The following GSN variants were observed in gnomAD, a reference collection of about 807,000 sequenced individuals.
GSN encodes the protein actin-depolymerizing factor.
A neutral mutation model predicts 85.7 loss-of-function variants in GSN; 56 were observed. That is an observed-to-expected ratio of 0.65 (90% confidence interval 0.53 to 0.82). The LOEUF is 0.82. Ranked by LOEUF, GSN falls within the 40% of genes least tolerant of loss-of-function variation. The probability of loss-of-function intolerance (pLI) is 0.00; values close to 1 mark genes in which losing one functional copy is unlikely to be tolerated. For synonymous variants in GSN, 373 were observed against 399.1 expected (o/e 0.93, Z 0.78); for missense variants, 857 against 979.8 (o/e 0.87, Z 1.67).
At chr9:121,250,910 T>TGTGC (rs1554778765) in intron 6 of GSN, among the ~76,000 whole-genome samples, 5 of 143,838 alleles carry the variant, frequency 3.5e-5, no homozygotes, top group South Asian at 2.3e-4. Flanking sequence ...TGTGTGTGTG[T>TGTGC]GCTTTGAGAC....
At chr9:121,206,729 A>T (rs1407850288), upstream of GSN, among the ~76,000 whole-genome samples, 1 of 152,118 alleles carries the variant, frequency 6.6e-6, no homozygotes, top group Non-Finnish European at 1.5e-5. Flanking sequence ...TGAAAAAAAA[A>T]AAAGAATGCA....
rs1467397328 is a variant in GSN, at chr9:121,281,552, A to T, written c.-20A>T. 1 of 456,488 alleles carries T rather than the reference A, an allele frequency of 2.2e-6. No homozygotes were observed. The highest frequency in any genetic ancestry group is 4.6e-6 in the Non-Finnish European group (1 of 219,504). 28.3% of individuals were successfully genotyped at this position (456,488 alleles called of 1,614,324 possible). A position where few individuals can be genotyped will look rare whatever the true frequency, so the allele number is the denominator to read the frequency against. The stretch of plus-strand genomic sequence containing the variant: ...CGGAGCAGCACTCTTCACCCTGCAC[A>T]GCCTTGTTAGGTAGGTAGAGCAATA... On this transcript the variant is annotated 5_prime_UTR_variant, in exon 2 of 18. Transcript: ENST00000432226.
intron 1 of GSN, among the ~76,000 whole-genome samples, chr9:121,271,933 G>A (rs1021843679): frequency 2.0e-5 from 3 of 152,206 alleles, no homozygotes; most frequent in African/African-American, 4.8e-5. Flanking sequence ...TCTATCTGGC[G>A]AAGCCAGGAA....
chr9:121,273,847 AT>A (rs1331036584), intron 1 of GSN, among the ~76,000 whole-genome samples: 4 of 152,306 alleles, frequency 2.6e-5, no homozygotes, highest in African/African-American at 9.6e-5. Context: ...AATGCTTTTT[AT>A]TTATTAACAA....
chr9:121,285,980 G>A (rs1411909283), intron 2 of GSN: 3 of 734,562 alleles, frequency 4.1e-6, no homozygotes, highest in Non-Finnish European at 7.0e-6. Flanking sequence ...GGTTTTAATT[G>A]TGTTGAGGAG....
chr9:121,282,606 C>A, intron 2 of GSN: 2 of 927,892 alleles, frequency 2.2e-6, no homozygotes, highest in Non-Finnish European at 2.9e-6. Context: ...CCAGGGATTC[C>A]CAAAAGGTCT....
At chr9:121,289,778 C>T (rs1331686780) in intron 2 of GSN, among the ~76,000 whole-genome samples, 2 of 152,094 alleles carry the variant, frequency 1.3e-5, no homozygotes, top group Non-Finnish European at 2.9e-5. Context: ...GAGGTGATGG[C>T]ACAGGGGATG....
chr9:121,289,295 G>A (rs2058454501), intron 2 of GSN, among the ~76,000 whole-genome samples: 1 of 152,142 alleles, frequency 6.6e-6, no homozygotes, highest in South Asian at 2.1e-4. Context: ...AAGGGTCAAA[G>A]CTTGGGGCCA....
intron 6 of GSN, among the ~76,000 whole-genome samples, chr9:121,249,117 A>G (rs1173808779): frequency 6.6e-6 from 1 of 152,014 alleles, no homozygotes; most frequent in Admixed American, 6.6e-5. Flanking sequence ...TTGAGGAGAT[A>G]GACTTGATAG....
upstream of GSN, among the ~76,000 whole-genome samples, chr9:121,263,908 A>AAT (rs143816456): frequency 6.6e-6 from 1 of 150,782 alleles, no homozygotes; most frequent in Non-Finnish European, 1.5e-5. Flanking sequence ...AAAAAAAAAA[A>AAT]ATCAGGTCTC....
chr9:121,201,962 C>T, the GSN span: 1 of 153,104 alleles, frequency 6.5e-6, no homozygotes, highest in African/African-American at 2.4e-5. Flanking sequence ...CTGGCGGAGC[C>T]CGGAAGAGGG....
intron 2 of GSN, chr9:121,286,768 AT>A: frequency 1.3e-6 from 2 of 1,534,364 alleles, no homozygotes; most frequent in Non-Finnish European, 1.7e-6. Context: ...TACAGTAGGT[AT>A]TTTTTAAAGG....
At chr9:121,304,791 A>T (rs1333662827) in intron 4 of GSN, among the ~76,000 whole-genome samples, 1 of 152,208 alleles carries the variant, frequency 6.6e-6, no homozygotes, top group African/African-American at 2.4e-5. Context: ...AACTATATTC[A>T]AACCAGGATT....
intron 4 of GSN, among the ~76,000 whole-genome samples, chr9:121,228,426 T>TATATATATATACA (rs2054318806): frequency 5.1e-5 from 1 of 19,648 alleles, no homozygotes; most frequent in Non-Finnish European, 8.5e-5. Flanking sequence ...ATATATATAT[T>TATATATATATACA]TTTTTTTTTT....
chr9:121,287,997 G>C (rs2058320509), intron 2 of GSN, among the ~76,000 whole-genome samples: 1 of 152,056 alleles, frequency 6.6e-6, no homozygotes, highest in Non-Finnish European at 1.5e-5. Context: ...CGTGATCTCT[G>C]CTCACTGCAG....
At chr9:121,270,044 T>C (rs140535805) in intron 1 of GSN, among the ~76,000 whole-genome samples, 94 of 152,322 alleles carry the variant, frequency 6.2e-4, no homozygotes, top group African/African-American at 2.1e-3. Context: ...GAGGAGTGAC[T>C]AATTTTGTCT....
the GSN span, chr9:121,201,764 G>C: frequency 2.6e-5 from 4 of 153,146 alleles, no homozygotes; most frequent in African/African-American, 9.6e-5. Context: ...CAGGTACACT[G>C]GCAGGCCGAG....
chr9:121,298,078 G>C (rs936347888), intron 2 of GSN, among the ~76,000 whole-genome samples: 1 of 152,094 alleles, frequency 6.6e-6, no homozygotes. Context: ...TTGGAGCCCG[G>C]AGAACTCAGG....
chr9:121,332,397 T>C lies in GSN; in HGVS notation c.2027-37T>C, dbSNP rs762825842. The C allele has an allele frequency of 4.4e-6, 7 of 1,599,864 alleles. No individual in the cohort carries two copies. Among genetic ancestry groups the C allele is most frequent in the Non-Finnish European group, 6.0e-6 (7 of 1,167,120 alleles). ...TCCCTGGTGTGGGAGGCACTAAGAA[T>C]TCCTGGGGTTTCCTTTTCTTGCACG... is the stretch of plus-strand genomic sequence containing the variant. On this transcript the variant is annotated intron_variant, in intron 17 of 17. Transcript: ENST00000432226. The surrounding 1 kb of genome is among the most constrained non-coding windows in gnomAD (Gnocchi z 4.8).
Sources: gnomAD v4.1 joint callset for allele counts (sites outside exome capture counted in the v4.1 genomes callset) on GRCh38, gnomAD v4.1.1 for gene constraint, Gnocchi (gnomAD v3.1) non-coding constraint, MANE v1.5 for transcripts, NCBI Gene and HGNC (gene_info 2026-07-23, HGNC 2026-07-21) for gene names.